DOCK10: variants seen among roughly 807,000 people sequenced by gnomAD.
The protein encoded by DOCK10 is dedicator of cytokinesis 10.
In DOCK10, 145 loss-of-function variants were observed where a neutral mutation model predicts 280.1. The ratio of observed to expected loss-of-function variants is 0.52; its 90% confidence interval spans 0.45 to 0.59. DOCK10 has a LOEUF of 0.59. Ranked by LOEUF, DOCK10 falls within the 20% of genes least tolerant of loss-of-function variation. The pLI, the probability that DOCK10 is intolerant of heterozygous loss-of-function variation, is 0.00. For missense variants in DOCK10, 2,368 were observed against 2,651.7 expected (o/e 0.89, Z 2.35); for synonymous variants, 915 against 942.2 (o/e 0.97, Z 0.53).
At chr2:224,915,385 T>C (rs1202566872) in intron 3 of DOCK10, among the ~76,000 whole-genome samples, 1 of 152,238 alleles carries the variant, frequency 6.6e-6, no homozygotes, top group Non-Finnish European at 1.5e-5. Context: ...CCTGATGTTA[T>C]CTGAGTCTGC....
intron 1 of DOCK10, among the ~76,000 whole-genome samples, chr2:224,987,446 AACACTAGAGCACCTGTC>A (rs531967622): frequency 1.0e-3 from 155 of 152,292 alleles, no homozygotes; most frequent in African/African-American, 2.4e-3. Flanking sequence ...GCACAGATAA[AACACTAGAGCACCTGTC>A]ACCAAATACC....
chr2:224,910,470 G>A (rs1419661922), intron 3 of DOCK10, among the ~76,000 whole-genome samples: 1 of 152,206 alleles, frequency 6.6e-6, no homozygotes, highest in Non-Finnish European at 1.5e-5. Flanking sequence ...GTGTCCAGAT[G>A]TTGGATCTGT....
chr2:224,858,158 T>G (rs1469081765), intron 14 of DOCK10, among the ~76,000 whole-genome samples: 1 of 152,232 alleles, frequency 6.6e-6, no homozygotes. Context: ...GAAAGGAAGT[T>G]AAACTGAGCT....
intron 19 of DOCK10, among the ~76,000 whole-genome samples, chr2:224,848,569 CCA>C (rs1457174233): frequency 3.3e-5 from 5 of 152,290 alleles, no homozygotes; most frequent in Admixed American, 6.5e-5. Flanking sequence ...CTTCTCTGAG[CCA>C]CAGTTTTCTC....
intron 28 of DOCK10, among the ~76,000 whole-genome samples, chr2:224,823,208 T>C (rs1046498189): frequency 6.6e-6 from 1 of 151,990 alleles, no homozygotes; most frequent in South Asian, 2.1e-4. Flanking sequence ...GGATGGTCTC[T>C]ATCTCTTGAC....
At chr2:224,961,412 C>CTTTCTTTCTCTTTCTT (rs57668925) in intron 1 of DOCK10, among the ~76,000 whole-genome samples, 1 of 119,382 alleles carries the variant, frequency 8.4e-6, no homozygotes, top group African/African-American at 3.4e-5. Context: ...TTCTTTCTTT[C>CTTTCTTTCTCTTTCTT]TCTTTCTTTC....
At chr2:224,910,855 T>C (rs1404108676) in intron 3 of DOCK10, among the ~76,000 whole-genome samples, 1 of 152,216 alleles carries the variant, frequency 6.6e-6, no homozygotes, top group Non-Finnish European at 1.5e-5. Flanking sequence ...TTTCACTTTA[T>C]CTTTATCCTT....
In DOCK10 at chr2:224,856,986, A is replaced by G. The variant is rs1325787515; in HGVS notation, c.1686-4T>C. 1 of 1,599,026 alleles carries G rather than the reference A, an allele frequency of 6.3e-7. No individual in the cohort carries two copies. The highest frequency in any genetic ancestry group is 1.7e-5 in the Admixed American group (1 of 58,308). Reference sequence around the variant, plus strand: ...CTGGTTGTCCTTAAATACTGATCTAAAAGAAAATATTTATTCAGGTTGGTA... The same window carrying G: ...CTGGTTGTCCTTAAATACTGATCTAGAAGAAAATATTTATTCAGGTTGGTA... On this transcript the variant is annotated splice_polypyrimidine_tract_variant and splice_region_variant and intron_variant, in intron 14 of 55. Transcript: ENST00000258390.
chr2:225,006,934 A>C (rs1559951482), intron 1 of DOCK10, among the ~76,000 whole-genome samples: 1 of 152,222 alleles, frequency 6.6e-6, no homozygotes, highest in Non-Finnish European at 1.5e-5. Context: ...GTGCTGAGCC[A>C]ACTCACCTAA....
In DOCK10 at chr2:224,885,645, A is replaced by G. The variant is rs746386306; in HGVS notation, c.747+26T>C. The G allele has an allele frequency of 3.9e-6, 6 of 1,544,408 alleles. No homozygotes were observed. The African/African-American group carries it at 8.3e-5, about 21-fold the overall frequency. ...TACTTTTCAAATAAAAAAAAATCCCAAGGAGGAAAAGGGATGTCTACTCAC... is the reference window on the plus strand; with the variant it reads ...TACTTTTCAAATAAAAAAAAATCCCGAGGAGGAAAAGGGATGTCTACTCAC... On this transcript the variant is annotated intron_variant, in intron 7 of 55. Transcript: ENST00000258390.
At chr2:224,830,770 G>T (rs1490092416) in intron 26 of DOCK10, among the ~76,000 whole-genome samples, 158 bp from the exon 27 acceptor site, 2 of 152,118 alleles carry the variant, frequency 1.3e-5, no homozygotes, top group East Asian at 3.9e-4. Flanking sequence ...ATTATAGTGG[G>T]ATGATTTTTA....
rs750610347 is a variant in DOCK10 at position 225,025,552 on chromosome 2, T to C, written c.123+16700A>G. ...ATGATAGGTTGTGCATTTTAAAAAATAAAGAAATCATGGGCCTAGAATGCA... is the reference window on the plus strand; with the variant it reads ...ATGATAGGTTGTGCATTTTAAAAAACAAAGAAATCATGGGCCTAGAATGCA... On this transcript the variant is annotated intron_variant, in intron 1 of 55. Transcript: ENST00000258390. 3.9e-5 allele frequency among the ~76,000 whole-genome samples: 6 copies of C among 152,138 alleles called. No individual in the cohort carries two copies. The East Asian group carries it at 5.8e-4, about 15-fold the overall frequency.
At chr2:225,003,750 T>C (rs1181373056) in intron 1 of DOCK10, among the ~76,000 whole-genome samples, 2 of 152,204 alleles carry the variant, frequency 1.3e-5, no homozygotes, top group East Asian at 3.8e-4. Flanking sequence ...ACAAGAAATA[T>C]TGTCTCTTTA....
chr2:225,042,135 G>A lies in DOCK10; in HGVS notation c.123+117C>T, dbSNP rs1378144699. 1 of 1,135,526 alleles carries A rather than the reference G, an allele frequency of 8.8e-7. No individual in the cohort carries two copies. Among genetic ancestry groups the A allele is most frequent in the African/African-American group, 1.6e-5 (1 of 62,084 alleles). The allele number at this position is 1,135,526 out of a possible 1,614,324, so 70.3% of individuals were successfully genotyped here. On this transcript the variant is annotated intron_variant, in intron 1 of 55. Coordinates refer to ENST00000258390, the MANE Select transcript of DOCK10 (RefSeq NM_014689.3). The surrounding 1 kb of genome is among the most constrained non-coding windows in gnomAD (Gnocchi z 5.1). ...GAGGCGGCGGGGGAGGGAGTGCGGA[G>A]GAGAGGACCCGTGAGCTGCGGGGAC...
At chr2:224,987,326 C>T (rs1706001175) in intron 1 of DOCK10, among the ~76,000 whole-genome samples, 1 of 152,192 alleles carries the variant, frequency 6.6e-6, no homozygotes, top group African/African-American at 2.4e-5. Flanking sequence ...GAGGATACAG[C>T]AGATGGCAGC....
intron 55 of DOCK10, among the ~76,000 whole-genome samples, chr2:224,769,953 AGTCTAGAAAACCCAGGGTTCATT>A (rs1690311538): frequency 6.6e-6 from 1 of 152,318 alleles, no homozygotes; most frequent in African/African-American, 2.4e-5. Context: ...GGACTCACAT[AGTCTAGAAAACCCAGGGTTCATT>A]TGGACTGTGG....
chr2:225,035,683 T>C (rs187377635), intron 1 of DOCK10, among the ~76,000 whole-genome samples: 45 of 147,784 alleles, frequency 3.0e-4, no homozygotes, highest in African/African-American at 1.1e-3. Context: ...TATTAGTCAG[T>C]GCGGGCTGCC....
chr2:224,774,802 C>T (rs1006312668), intron 52 of DOCK10, 103 bp downstream of exon 52: 5 of 1,072,850 alleles, frequency 4.7e-6, no homozygotes, highest in East Asian at 2.6e-5. Context: ...TTGGGTACTT[C>T]TCTGCAGGAC....
chr2:224,934,622 A>C (rs1702582629), intron 1 of DOCK10, among the ~76,000 whole-genome samples: 1 of 152,182 alleles, frequency 6.6e-6, no homozygotes, highest in Admixed American at 6.5e-5. Flanking sequence ...ATGTAAAGAG[A>C]CAGATGTATA....
Sources: allele counts gnomAD v4.1 joint callset (sites outside exome capture counted in the v4.1 genomes callset), GRCh38; gene constraint gnomAD v4.1.1; non-coding constraint Gnocchi (gnomAD v3.1); transcripts MANE v1.5; gene names NCBI Gene and HGNC (gene_info 2026-07-23, HGNC 2026-07-21).